CD300LB: variants seen among roughly 807,000 people sequenced by gnomAD.
The protein encoded by CD300LB is CMRF35-like molecule 7.
Under a neutral mutation model 20.8 loss-of-function variants are expected in CD300LB, and 18 were observed. The ratio of observed to expected loss-of-function variants is 0.87; its 90% CI spans 0.60 to 1.28. The LOEUF (loss-of-function observed/expected upper bound fraction) is 1.28. Ranked by LOEUF, CD300LB falls within the 50% of genes most tolerant of loss-of-function variation. The pLI is 0.00. For synonymous variants in CD300LB, 91 were observed against 91.3 expected, an observed-to-expected ratio of 1.00 and a Z score of 0.02; for missense variants, 222 against 251.8, an observed-to-expected ratio of 0.88 and a Z score of 0.80.
At chr17:74,524,995 C>T (rs1272513158) in intron 2 of CD300LB, among the ~76,000 whole-genome samples, 1 of 152,186 alleles carries the variant, frequency 6.6e-6, no homozygotes, top group African/African-American at 2.4e-5. Context: ...TGTTCTAAAG[C>T]CGGCATTGTC....
In CD300LB at chr17:74,531,386, G is replaced by A. The variant is rs776636552; in HGVS notation, c.-36C>T. 1 of 1,612,910 alleles carries A rather than the reference G, an allele frequency of 6.2e-7. No individual in the cohort carries two copies. Among genetic ancestry groups the A allele is most frequent in the African/African-American group, 1.3e-5 (1 of 74,972 alleles). On this transcript the variant is annotated 5_prime_UTR_variant, in exon 1 of 4. It introduces an in-frame stop codon into an upstream open reading frame of the 5' UTR. Transcript: ENST00000392621. ...TCCCGGCTCCTCGTCCGCCTGATCT[G>A]CAACCAGTGGCAAATGCAGATCCCA...
Position 74,525,867 on chromosome 17 carries a change from T to A in CD300LB, c.251A>T (p.Asp84Val). The A allele has an allele frequency of 6.2e-7, 1 of 1,614,118 alleles. No homozygotes were observed. The change falls in exon 2 of 4, where the codon GAC (aspartate) becomes GTC (valine). Residue 84 changes from aspartate to valine, a missense_variant. By Grantham distance (152) the Asp-to-Val change is radical (BLOSUM62 -3). Transcript: ENST00000392621. ...CTCCATGGTCACAGTGAACGTGCGG[T>A]CTTTCTGATTGTCCTTGATGGACAC... ...DRVSIKDNQKDRTFTVTMEGL... is the reference protein window; with the variant it reads ...DRVSIKDNQKVRTFTVTMEGL...
chr17:74,530,104 C>T (rs866356046), intron 1 of CD300LB, among the ~76,000 whole-genome samples: 36 of 152,320 alleles, frequency 2.4e-4, no homozygotes, highest in African/African-American at 7.5e-4. Context: ...CCCCGTTGAA[C>T]GGGCTGAAGG....
rs16978085 is a variant in CD300LB at position 74,522,351 on chromosome 17, G to A, written c.*387C>T. The stretch of plus-strand genomic sequence containing the variant: ...ATATATCAGGTTCTCAGGCAAAGAC[G>A]GTGTTGAGTTGGTCTCCGGAATGAT... On this transcript the variant is annotated 3_prime_UTR_variant, in exon 4 of 4. Transcript: ENST00000392621. 3.0e-3 allele frequency: 2,987 copies of A among 1,002,310 alleles called. 74 individuals carry two copies. The African/African-American group carries it at 0.047, about 16-fold the overall frequency. The allele number at this position is 1,002,310 out of a possible 1,614,324, so 62.1% of individuals were successfully genotyped here.
At position 74,522,067 on chromosome 17, in the gene CD300LB, TG is replaced by T; in HGVS notation, c.*670del. The T allele has an allele frequency of 1.0e-6, 1 of 985,082 alleles. No homozygotes were observed. The highest frequency in any genetic ancestry group is 1.2e-6 in the Non-Finnish European group (1 of 829,884). 61.0% of individuals were successfully genotyped at this position (985,082 alleles called of 1,614,324 possible). A position where few individuals can be genotyped will look rare whatever the true frequency, so the allele number is the denominator to read the frequency against. ...GAGGTGGGGGAATAGGCAGGGAGCT[TG>T]GGGAGCTAGGAGGAGGAAGAGGTGG... On this transcript the variant is annotated 3_prime_UTR_variant, in exon 4 of 4. Coordinates refer to ENST00000392621, the MANE Select transcript of CD300LB (RefSeq NM_174892.4).
At chr17:74,527,959 C>T (rs35048138) in intron 1 of CD300LB, among the ~76,000 whole-genome samples, 4,078 of 152,156 alleles carry the variant, frequency 0.027, 59 homozygotes, top group South Asian at 0.051. Flanking sequence ...TCCCATCAGA[C>T]CAGCGGCCGC....
At chr17:74,524,168 C>T (rs1907964186) in intron 2 of CD300LB, among the ~76,000 whole-genome samples, 1 of 152,216 alleles carries the variant, frequency 6.6e-6, no homozygotes, top group African/African-American at 2.4e-5. Context: ...TTTTTAGGAG[C>T]AACCATATAG....
chr17:74,526,629 C>G (rs1908044584), intron 1 of CD300LB, among the ~76,000 whole-genome samples: 2 of 152,170 alleles, frequency 1.3e-5, no homozygotes, highest in Non-Finnish European at 2.9e-5. Flanking sequence ...ATGAAAATTG[C>G]TTGAACCCGG....
intron 1 of CD300LB, among the ~76,000 whole-genome samples, 188 bp downstream of exon 1, chr17:74,531,123 C>T (rs1908199514): frequency 1.3e-5 from 2 of 152,156 alleles, no homozygotes; most frequent in Non-Finnish European, 2.9e-5. Context: ...TCTTTAATGG[C>T]CAGTTCTCCT....
At chr17:74,522,961 C>T (rs1466455052) in intron 3 of CD300LB, 61 bp from the exon 4 acceptor site, 13 of 1,511,474 alleles carry the variant, frequency 8.6e-6, no homozygotes, top group East Asian at 4.7e-5. Context: ...CACTCCCATC[C>T]CCTGACCCTG....
intron 3 of CD300LB, chr17:74,523,179 C>G (rs1432660517): frequency 1.9e-6 from 1 of 519,036 alleles, no homozygotes. Flanking sequence ...CCAGAGGTCA[C>G]CAAATACAGG....
In CD300LB at chr17:74,525,794, T is replaced by C; in HGVS notation, c.324A>G (p.Arg108=). The C allele has an allele frequency of 6.2e-7, 1 of 1,614,164 alleles. No homozygotes were observed. The highest frequency in any genetic ancestry group is 8.5e-7 in the Non-Finnish European group (1 of 1,180,034). The change falls in exon 2 of 4, where the codon AGA becomes AGG. Residue 108 remains arginine (R), a synonymous_variant. Coordinates refer to ENST00000392621, the MANE Select transcript of CD300LB (RefSeq NM_174892.4). ...DADVYWCGIE[R]RGPDLGTQVK... is the part of the protein sequence containing the mutation. ...CTTGAGTCCCAAGGTCAGGTCCTCTTCTTTCAATCCCACACCAGTAAACAT... is the reference window on the plus strand; with the variant it reads ...CTTGAGTCCCAAGGTCAGGTCCTCTCCTTTCAATCCCACACCAGTAAACAT...
intron 2 of CD300LB, among the ~76,000 whole-genome samples, chr17:74,525,501 C>T (rs1002951271): frequency 6.6e-6 from 1 of 152,150 alleles, no homozygotes; most frequent in Non-Finnish European, 1.5e-5. Context: ...CATCCCAAGC[C>T]CCACCTGGAT....
chr17:74,525,988 T>A lies in CD300LB; in HGVS notation c.130A>T (p.Thr44Ser). The change falls in exon 2 of 4, where the codon ACC becomes TCC. Residue 44 changes from threonine (T) to serine (S), a missense_variant. Thr to Ser is a moderately conservative substitution (Grantham distance 58). Transcript: ENST00000392621. ...CCTCGGCACCACCACTTAATGTAGG[T>A]CTCCCATCCTTGCTTATAGTGGCAT... ...VQCHYKQGWETYIKWWCRGVR... is the reference protein window; with the variant it reads ...VQCHYKQGWESYIKWWCRGVR... The A allele has an allele frequency of 1.2e-6, 2 of 1,614,106 alleles. No homozygotes were observed. The highest frequency in any genetic ancestry group is 2.2e-5 in the East Asian group (1 of 44,872).
intron 1 of CD300LB, among the ~76,000 whole-genome samples, chr17:74,531,080 T>G (rs1372311440): frequency 6.6e-6 from 1 of 152,238 alleles, no homozygotes; most frequent in Non-Finnish European, 1.5e-5. Flanking sequence ...GTTAGGATTA[T>G]AGGTGTGAGC....
chr17:74,523,518 G>A, intron 3 of CD300LB, 61 bp downstream of exon 3: 1 of 1,216,854 alleles, frequency 8.2e-7, no homozygotes, highest in South Asian at 1.2e-5. Context: ...GAGTTCCCAG[G>A]CTTGGCTTCC....
chr17:74,522,755 T>C lies in CD300LB; in HGVS notation c.589A>G (p.Lys197Glu). The change falls in exon 4 of 4, where the codon AAA (lysine) becomes GAA (glutamate). Residue 197 changes from lysine (K) to glutamate (E), a missense_variant. By Grantham distance (56) the Lys-to-Glu change is moderately conservative (BLOSUM62 1). Transcript: ENST00000392621. ...IYMNFSEPLTKDMAT is the reference protein window; with the variant it reads ...IYMNFSEPLTEDMAT ...CCATCTCTCTAAGTGGCCATGTCTT[T>C]AGTCAGAGGTTCGGAGAAGTTCATG... 6.2e-7 allele frequency: 1 copy of C among 1,614,184 alleles called. No homozygotes were observed. Among genetic ancestry groups the C allele is most frequent in the South Asian group, 1.1e-5 (1 of 91,078 alleles).
intron 2 of CD300LB, 106 bp downstream of exon 2, chr17:74,525,642 A>G: frequency 1.1e-6 from 1 of 921,768 alleles, no homozygotes; most frequent in East Asian, 2.4e-5. Flanking sequence ...TCTCTCTCTT[A>G]GGCTCACCAT....
chr17:74,521,292 T>C lies in CD300LB; in HGVS notation c.*1446A>G. 2 of 933,170 alleles carry C rather than the reference T, an allele frequency of 2.1e-6. No homozygotes were observed. The highest frequency in any genetic ancestry group is 1.3e-6 in the Non-Finnish European group (1 of 782,190). 57.8% of individuals were successfully genotyped at this position (933,170 alleles called of 1,614,324 possible). ...CCTGAGTCCAGCTGGTGAAGCACCA[T>C]GCTTTGGCTTTCCCTCCCGCGGAGC... is the stretch of plus-strand genomic sequence containing the variant. On this transcript the variant is annotated 3_prime_UTR_variant, in exon 4 of 4. Transcript: ENST00000392621.
Sources: gnomAD v4.1 joint callset for allele counts (sites outside exome capture counted in the v4.1 genomes callset) on GRCh38, gnomAD v4.1.1 for gene constraint, MANE v1.5 for transcripts, NCBI Gene and HGNC (gene_info 2026-07-23, HGNC 2026-07-21) for gene names.